Variants in DMD observed in about 807,000 individuals in gnomAD.
DMD encodes the protein mutant dystrophin.
DMD carries 63 observed loss-of-function variants against 330.1 expected under a neutral mutation model. That is an observed-to-expected ratio of 0.19 (90% CI 0.16 to 0.24). The LOEUF is 0.24. Among genes scored for constraint, DMD ranks in the 10% least tolerant of loss-of-function variants. The pLI is 1.00. For synonymous variants in DMD, 1,223 were observed against 959.8 expected (o/e 1.27, Z -5.07); for missense variants, 3,344 against 2,684.1 (o/e 1.25, Z -5.43).
chrX:31,702,710 A>G (rs1002356700), intron 52 of DMD, among the ~76,000 whole-genome samples: 3 of 110,935 alleles, frequency 2.7e-5, no homozygotes, highest in African/African-American at 9.9e-5. Context: ...CTCTGATTTA[A>G]CTGGTTTGGG....
intron 49 of DMD, among the ~76,000 whole-genome samples, chrX:31,831,393 A>G (rs901512959): frequency 2.7e-5 from 3 of 112,224 alleles, no homozygotes. Flanking sequence ...ATGCTACTCA[A>G]TTAAGAAATT....
intron 1 of DMD, among the ~76,000 whole-genome samples, chrX:33,283,427 G>C (rs2053371710): frequency 9.2e-6 from 1 of 108,952 alleles, no homozygotes; most frequent in African/African-American, 3.4e-5. Flanking sequence ...GGGAGGCTGA[G>C]GCAGGAGAAT....
chrX:32,072,506 G>GA (rs1384810977), intron 44 of DMD, among the ~76,000 whole-genome samples: 8 of 110,970 alleles, frequency 7.2e-5, no homozygotes, highest in African/African-American at 9.8e-5. Context: ...CTTGACTAAC[G>GA]AATTCCTTGA....
chrX:31,594,840 C>G (rs1569553316), intron 55 of DMD, among the ~76,000 whole-genome samples: 1 of 111,175 alleles, frequency 9.0e-6, no homozygotes, highest in Non-Finnish European at 1.9e-5. Context: ...GAAGTTTCAC[C>G]TTTCCTGAAA....
intron 34 of DMD, among the ~76,000 whole-genome samples, chrX:32,376,204 C>A (rs1403305008): frequency 7.2e-5 from 8 of 111,465 alleles, no homozygotes; most frequent in African/African-American, 2.6e-4. Context: ...CTGCTTGAAC[C>A]CAGGAGGTTG....
At chrX:32,474,540 T>C (rs2041022202) in intron 21 of DMD, among the ~76,000 whole-genome samples, 2 of 111,904 alleles carry the variant, frequency 1.8e-5, no homozygotes, top group African/African-American at 6.5e-5. Context: ...TAAAATTTTT[T>C]TGATTATGGT....
At chrX:31,264,651 T>C (rs1464450005) in intron 62 of DMD, among the ~76,000 whole-genome samples, 1 of 111,973 alleles carries the variant, frequency 8.9e-6, no homozygotes, top group Non-Finnish European at 1.9e-5. Flanking sequence ...TCTTTTTCCC[T>C]TTTATTTGAG....
intron 1 of DMD, among the ~76,000 whole-genome samples, chrX:33,067,531 T>C (rs2094683172): frequency 8.9e-6 from 1 of 112,375 alleles, no homozygotes; most frequent in Non-Finnish European, 1.9e-5. Context: ...TCAGTACTAG[T>C]GAACATATGA....
intron 53 of DMD, among the ~76,000 whole-genome samples, chrX:31,671,106 G>A (rs1358162376): frequency 9.0e-6 from 1 of 111,137 alleles, no homozygotes; most frequent in Non-Finnish European, 1.9e-5. Context: ...CAGAGACGGG[G>A]TTTTACCGTG....
intron 1 of DMD, among the ~76,000 whole-genome samples, chrX:33,247,610 C>T (rs913820812): frequency 9.0e-6 from 1 of 111,469 alleles, no homozygotes; most frequent in African/African-American, 3.3e-5. Context: ...AATTGGTCTA[C>T]TTAATGTGGC....
intron 1 of DMD, among the ~76,000 whole-genome samples, chrX:33,044,296 G>T (rs902255784): frequency 5.4e-5 from 6 of 111,274 alleles, no homozygotes; most frequent in Admixed American, 9.6e-5. Flanking sequence ...GCCGGGCGTG[G>T]TGGTGCATGC....
chrX:31,338,790 C>A (rs2057549071), intron 61 of DMD, among the ~76,000 whole-genome samples: 1 of 110,328 alleles, frequency 9.1e-6, no homozygotes, highest in Non-Finnish European at 1.9e-5. Flanking sequence ...AAGTCCCAGA[C>A]AAACCAGGAT....
intron 37 of DMD, among the ~76,000 whole-genome samples, chrX:32,350,747 G>A (rs1003404259): frequency 1.8e-5 from 2 of 111,144 alleles, no homozygotes; most frequent in African/African-American, 6.5e-5. Flanking sequence ...CATCTATTGA[G>A]TATAAATAGA....
intron 61 of DMD, among the ~76,000 whole-genome samples, chrX:31,324,662 C>G (rs1275865617): frequency 1.8e-5 from 2 of 111,622 alleles, no homozygotes; most frequent in African/African-American, 6.5e-5. Context: ...CTTTATGTGT[C>G]TATACTTTTT....
intron 7 of DMD, among the ~76,000 whole-genome samples, chrX:32,699,709 G>T (rs973863295): frequency 9.0e-6 from 1 of 111,508 alleles, no homozygotes; most frequent in Non-Finnish European, 1.9e-5. Flanking sequence ...ATGGTTTACC[G>T]CTTTGGTTCT....
intron 43 of DMD, among the ~76,000 whole-genome samples, chrX:32,257,290 T>C (rs1188026862): frequency 1.8e-5 from 2 of 112,205 alleles, no homozygotes; most frequent in Non-Finnish European, 3.8e-5. Flanking sequence ...TACCACTGAC[T>C]TTCTTTACAG....
chrX:31,670,885 G>A (rs1295951598), intron 53 of DMD, among the ~76,000 whole-genome samples: 1 of 110,124 alleles, frequency 9.1e-6, no homozygotes, highest in Non-Finnish European at 1.9e-5. Context: ...TTTTGGGAGC[G>A]GGGGACACTA....
At chrX:33,171,439 A>G (rs2148702250) in intron 1 of DMD, among the ~76,000 whole-genome samples, 1 of 111,499 alleles carries the variant, frequency 9.0e-6, no homozygotes, top group East Asian at 2.8e-4. Context: ...CGAAAACTAG[A>G]TCCTAGCATT....
intron 60 of DMD, among the ~76,000 whole-genome samples, chrX:31,364,957 TG>T (rs2059151097): frequency 9.2e-6 from 1 of 108,778 alleles, no homozygotes; most frequent in African/African-American, 3.4e-5. Context: ...TAGCCAGGCG[TG>T]GTGGCGGGCG....
Sources: gnomAD v4.1 joint callset for allele counts (sites outside exome capture counted in the v4.1 genomes callset) on GRCh38, gnomAD v4.1.1 for gene constraint, MANE v1.5 for transcripts, NCBI Gene and HGNC (gene_info 2026-07-23, HGNC 2026-07-21) for gene names.